NRG3: variants seen among roughly 807,000 people sequenced by gnomAD.
The protein encoded by NRG3 is pro-neuregulin-3, membrane-bound isoform.
In NRG3, 31 loss-of-function variants were observed where a neutral mutation model predicts 66.9. That is an observed-to-expected ratio of 0.46 (90% CI 0.35 to 0.63). The LOEUF (loss-of-function observed/expected upper bound fraction) is 0.63, where lower values mean the gene tolerates loss of function less well. Ranked by LOEUF, NRG3 falls within the 20% of genes least tolerant of loss-of-function variation. NRG3 has a pLI of 0.00. For missense variants in NRG3, 910 were observed against 878.9 expected (o/e 1.04, Z -0.45); for synonymous variants, 393 against 359.4 (o/e 1.09, Z -1.06).
rs189391210 is a variant in NRG3 at position 82,619,116 on chromosome 10, C to G, written c.954-119461C>G. On this transcript the variant is annotated intron_variant, in intron 2 of 8. Transcript: ENST00000372141. ...GCCAAAGTATTACTGCCATTTTTTT[C>G]CATTTATATTTTAGTATAGTTCCAA... is the stretch of plus-strand genomic sequence containing the variant. 3.3e-3 allele frequency among the ~76,000 whole-genome samples: 496 copies of G among 151,542 alleles called. 2 individuals carry two copies. Among genetic ancestry groups the G allele is most frequent in the Non-Finnish European group, 5.7e-3 (389 of 67,892 alleles).
intron 3 of NRG3, among the ~76,000 whole-genome samples, chr10:82,784,576 T>A (rs961879080): frequency 2.0e-5 from 3 of 152,208 alleles, no homozygotes; most frequent in Admixed American, 6.5e-5. Flanking sequence ...AAAGAAGACA[T>A]TTATGCAGCC....
chr10:82,144,265 T>C (rs969750568), intron 1 of NRG3, among the ~76,000 whole-genome samples: 2 of 152,206 alleles, frequency 1.3e-5, no homozygotes, highest in Admixed American at 1.3e-4. Context: ...AGCATTCATC[T>C]GTTCCACATC....
chr10:82,022,441 T>C (rs781219471), intron 1 of NRG3, among the ~76,000 whole-genome samples: 9 of 152,128 alleles, frequency 5.9e-5, no homozygotes, highest in Non-Finnish European at 1.3e-4. Context: ...TTCTCTCTGC[T>C]CATCCAAAAA....
At chr10:82,690,676 C>G (rs1186853093) in intron 2 of NRG3, among the ~76,000 whole-genome samples, 1 of 152,124 alleles carries the variant, frequency 6.6e-6, no homozygotes. Context: ...ATGACTAAAC[C>G]TGCTCTCCCA....
chr10:81,882,256 G>A lies in NRG3; in HGVS notation c.823+6093G>A, dbSNP rs1461253135. On this transcript the variant is annotated intron_variant, in intron 1 of 8. Coordinates refer to ENST00000372141, the MANE Select transcript of NRG3 (RefSeq NM_001010848.4). ...ACTGTGCAGTGGGCCTCTTTGGTGTGTTCCTGCCAGGCAGTGTGGTGGCAG... is the reference window on the plus strand; with the variant it reads ...ACTGTGCAGTGGGCCTCTTTGGTGTATTCCTGCCAGGCAGTGTGGTGGCAG... Among the ~76,000 whole-genome samples the A allele has an allele frequency of 2.0e-5, 3 of 152,240 alleles. No homozygotes were observed. The East Asian group carries it at 5.8e-4, about 29-fold the overall frequency.
chr10:82,477,002 T>C (rs1193720952), intron 2 of NRG3, among the ~76,000 whole-genome samples: 1 of 152,210 alleles, frequency 6.6e-6, no homozygotes, highest in Non-Finnish European at 1.5e-5. Flanking sequence ...AAAGGATGGA[T>C]GACAAGTCTG....
intron 2 of NRG3, among the ~76,000 whole-genome samples, chr10:82,501,274 G>A (rs755318229): frequency 6.6e-6 from 1 of 152,124 alleles, no homozygotes; most frequent in Non-Finnish European, 1.5e-5. Context: ...TCCACACTGT[G>A]CATTCACCTC....
chr10:82,454,449 T>TA lies in NRG3; in HGVS notation c.953+95589dup, dbSNP rs199651497. 0.01 allele frequency among the ~76,000 whole-genome samples: 1,537 copies of TA among 151,144 alleles called. 56 individuals are homozygous for TA. The East Asian group carries it at 0.11, about 11-fold the overall frequency. On this transcript the variant is annotated intron_variant, in intron 2 of 8. Coordinates refer to ENST00000372141, the MANE Select transcript of NRG3 (RefSeq NM_001010848.4). ...TATGCTACACTCGTGTTCAAACAGTTAAAAAAAATAAAAAAATGCCAAAAT... is the reference window on the plus strand; with the variant it reads ...TATGCTACACTCGTGTTCAAACAGTTAAAAAAAAATAAAAAAATGCCAAAAT...
chr10:82,779,308 C>A (rs988393611), intron 3 of NRG3, among the ~76,000 whole-genome samples: 3 of 152,082 alleles, frequency 2.0e-5, no homozygotes, highest in African/African-American at 7.2e-5. Context: ...GGCAGAAATA[C>A]TTCCTGTTTC....
intron 1 of NRG3, among the ~76,000 whole-genome samples, chr10:82,205,565 C>A (rs2075075443): frequency 1.3e-5 from 2 of 152,130 alleles, no homozygotes; most frequent in Admixed American, 6.6e-5. Flanking sequence ...AAAAAGAAGA[C>A]ATGGACAGAA....
chr10:82,716,822 G>C (rs55748550), intron 2 of NRG3, among the ~76,000 whole-genome samples: 16,150 of 152,164 alleles, frequency 0.11, 1,264 homozygotes, highest in African/African-American at 0.22. Context: ...GATCCATAAA[G>C]AGCAACTGGT....
intron 1 of NRG3, among the ~76,000 whole-genome samples, chr10:81,928,264 C>T (rs1273311595): frequency 1.3e-5 from 2 of 152,122 alleles, no homozygotes; most frequent in Non-Finnish European, 2.9e-5. Flanking sequence ...AGGTTACCAC[C>T]ACTTGGAAAG....
chr10:82,486,323 A>G (rs113537571), intron 2 of NRG3, among the ~76,000 whole-genome samples: 220 of 152,340 alleles, frequency 1.4e-3, no homozygotes, highest in African/African-American at 5.1e-3. Flanking sequence ...CCCATATTCA[A>G]TGAAGCATTA....
intron 2 of NRG3, among the ~76,000 whole-genome samples, chr10:82,592,853 C>G (rs564172101): frequency 2.0e-5 from 3 of 152,260 alleles, no homozygotes; most frequent in African/African-American, 7.2e-5. Context: ...GGGTTTAAAC[C>G]CATAAAAGTG....
chr10:82,776,799 T>A (rs1399786826), intron 3 of NRG3, among the ~76,000 whole-genome samples: 1 of 152,120 alleles, frequency 6.6e-6, no homozygotes, highest in Non-Finnish European at 1.5e-5. Context: ...CTTTCTTAAA[T>A]TTCACAATCA....
At position 82,269,406 on chromosome 10, in the gene NRG3, CTCT is replaced by C. The variant is rs546365352; in HGVS notation, c.824-89326_824-89324del. Reference sequence around the variant, plus strand: ...TCCTGGAAAAGTCTTTGGAGAGTTTCTCTTCTTCTAAGATTTCAGCTAATGCAC... The same window carrying C: ...TCCTGGAAAAGTCTTTGGAGAGTTTCTCTTCTAAGATTTCAGCTAATGCAC... On this transcript the variant is annotated intron_variant, in intron 1 of 8. Coordinates refer to ENST00000372141, the MANE Select transcript of NRG3 (RefSeq NM_001010848.4). Among the ~76,000 whole-genome samples the C allele has an allele frequency of 9.9e-5, 15 of 152,160 alleles. No homozygotes were observed. The East Asian group carries it at 2.5e-3, about 26-fold the overall frequency.
chr10:82,925,404 G>A (rs887518267), intron 4 of NRG3, among the ~76,000 whole-genome samples: 1 of 152,170 alleles, frequency 6.6e-6, no homozygotes, highest in Admixed American at 6.5e-5. Context: ...GTGCAACTGG[G>A]GTTAATAATG....
rs186736532 is a variant in NRG3, at chr10:82,095,784, A to G, written c.823+219621A>G. On this transcript the variant is annotated intron_variant, in intron 1 of 8. Coordinates refer to ENST00000372141, the MANE Select transcript of NRG3 (RefSeq NM_001010848.4). ...TGGGAATGAGCTAAATCTCAATACTAAGCAGAGTGAATCCTGCACAGCAAA... is the reference window on the plus strand; with the variant it reads ...TGGGAATGAGCTAAATCTCAATACTGAGCAGAGTGAATCCTGCACAGCAAA... Among the ~76,000 whole-genome samples the G allele has an allele frequency of 2.3e-3, 356 of 152,324 alleles. 1 individual carries two copies. The highest frequency in any genetic ancestry group is 0.017 in the Middle Eastern group (5 of 294).
intron 1 of NRG3, among the ~76,000 whole-genome samples, chr10:82,169,089 CA>C (rs1452575148): frequency 6.6e-6 from 1 of 152,110 alleles, no homozygotes; most frequent in African/African-American, 2.4e-5. Flanking sequence ...TTAATACTCA[CA>C]TATCTGCAAA....
Sources: gnomAD v4.1 joint callset for allele counts (sites outside exome capture counted in the v4.1 genomes callset) on GRCh38, gnomAD v4.1.1 for gene constraint, MANE v1.5 for transcripts, NCBI Gene and HGNC (gene_info 2026-07-23, HGNC 2026-07-21) for gene names.